ETV5: variants seen among roughly 807,000 people sequenced by gnomAD.
The protein encoded by ETV5 is ETS translocation variant 5.
ETV5 carries 10 observed loss-of-function variants against 70.0 expected under a neutral mutation model. The observed-to-expected ratio is 0.14, with a 90% CI of 0.09 to 0.24. ETV5 has a LOEUF of 0.24. ETV5 is among the 10% of genes least tolerant of loss of function. The pLI, the probability that ETV5 is intolerant of heterozygous loss-of-function variation, is 1.00. For synonymous variants in ETV5, 216 were observed against 242.2 expected (o/e 0.89, Z 1.01); for missense variants, 453 against 651.2 (o/e 0.70, Z 3.31).
rs1019176285 is a variant in ETV5, at chr3:186,065,793, T to C, written c.910+20A>G. ...AAGAATGCAAGAATGAAGCAAAGAATAGCACAATTTGATGCTGACCTGAAT... is the reference window on the plus strand; with the variant it reads ...AAGAATGCAAGAATGAAGCAAAGAACAGCACAATTTGATGCTGACCTGAAT... On this transcript the variant is annotated intron_variant, in intron 8 of 12. Transcript: ENST00000306376. 3.7e-6 allele frequency: 6 copies of C among 1,613,772 alleles called. No homozygotes were observed. In the East Asian group the frequency reaches 6.7e-5, roughly 18 times the overall value.
At chr3:186,066,788 T>C (rs1713457632) in intron 7 of ETV5, among the ~76,000 whole-genome samples, 1 of 152,232 alleles carries the variant, frequency 6.6e-6, no homozygotes, top group Non-Finnish European at 1.5e-5. Flanking sequence ...TACTGACATA[T>C]GTCATAAAAC....
intron 1 of ETV5, 171 bp downstream of exon 1, chr3:186,108,769 G>C: frequency 1.5e-6 from 1 of 657,008 alleles, no homozygotes; most frequent in Non-Finnish European, 2.1e-6. Context: ...AACCAAACCG[G>C]ACCGGGCCGC....
chr3:186,063,203 G>C (rs1174341541), intron 9 of ETV5, among the ~76,000 whole-genome samples: 2 of 152,182 alleles, frequency 1.3e-5, no homozygotes, highest in Non-Finnish European at 2.9e-5. Flanking sequence ...CTGGGAGGCA[G>C]AGCTTGCAGT....
intron 5 of ETV5, among the ~76,000 whole-genome samples, chr3:186,103,991 A>C (rs1321365070): frequency 6.6e-6 from 1 of 152,264 alleles, no homozygotes; most frequent in African/African-American, 2.4e-5. Context: ...TTTTACACAC[A>C]TACACCCACC....
intron 7 of ETV5, among the ~76,000 whole-genome samples, chr3:186,069,293 G>A (rs1713535045): frequency 6.6e-6 from 1 of 152,184 alleles, no homozygotes; most frequent in Non-Finnish European, 1.5e-5. Flanking sequence ...TCTTAAACAA[G>A]TTTTACCAAC....
In ETV5 at chr3:186,052,441, A is replaced by C. The variant is rs982481026; in HGVS notation, c.1210-310T>G. On this transcript the variant is annotated intron_variant, in intron 11 of 12. Coordinates refer to ENST00000306376, the MANE Select transcript of ETV5 (RefSeq NM_004454.3). The surrounding 1 kb of genome is among the most constrained non-coding windows in gnomAD (Gnocchi z 4.5). ...TTCTCCACGTATGAATTATTGACCA[A>C]TACCCATAGACCATTAACGTGTTGC... 1.3e-5 allele frequency among the ~76,000 whole-genome samples: 2 copies of C among 152,234 alleles called. No homozygotes were observed. The highest frequency in any genetic ancestry group is 2.9e-5 in the Non-Finnish European group (2 of 68,040).
At chr3:186,072,250 C>T (rs571956962) in intron 7 of ETV5, among the ~76,000 whole-genome samples, 4 of 151,958 alleles carry the variant, frequency 2.6e-5, no homozygotes, top group Admixed American at 6.5e-5. Flanking sequence ...GGTGCAGTGT[C>T]GAATGCCTGT....
rs183875593 is a variant in ETV5, at chr3:186,054,570, G to A, written c.1210-2439C>T. The stretch of plus-strand genomic sequence containing the variant: ...ATGACTATCAAAAGACATTTGATTA[G>A]GGGGCCTGCCAAAACGCAGTTCTAA... On this transcript the variant is annotated intron_variant, in intron 11 of 12. Coordinates refer to ENST00000306376, the MANE Select transcript of ETV5 (RefSeq NM_004454.3). This position sits in a 1 kb window ranked among gnomAD's most constrained non-coding sequence, Gnocchi z 4.4. 1.4e-3 allele frequency among the ~76,000 whole-genome samples: 216 copies of A among 152,254 alleles called. No homozygotes were observed. Among genetic ancestry groups the A allele is most frequent in the Middle Eastern group, 0.01 (3 of 294 alleles).
At chr3:186,101,664 G>A (rs1560057023) in intron 5 of ETV5, among the ~76,000 whole-genome samples, 1 of 152,142 alleles carries the variant, frequency 6.6e-6, no homozygotes, top group Non-Finnish European at 1.5e-5. Context: ...ACTTGAATAT[G>A]CCACTACTCC....
At chr3:186,100,321 T>C in intron 5 of ETV5, among the ~76,000 whole-genome samples, 1 of 152,224 alleles carries the variant, frequency 6.6e-6, no homozygotes, top group East Asian at 1.9e-4. Context: ...GCCCACTGTT[T>C]TCTTTCTTAC....
At position 186,080,098 on chromosome 3, in the gene ETV5, A is replaced by G; in HGVS notation, c.369T>C (p.Tyr123=). The G allele has an allele frequency of 6.7e-7, 1 of 1,483,034 alleles. No individual in the cohort carries two copies. The highest frequency in any genetic ancestry group is 2.5e-5 in the East Asian group (1 of 39,510). 91.9% of individuals were successfully genotyped at this position (1,483,034 alleles called of 1,614,324 possible). ...TGAACCCAGAGGGAGGCTTCCTATCATAGGCACTGTAAACAGAAAAAGAGA... is the reference window on the plus strand; with the variant it reads ...TGAACCCAGAGGGAGGCTTCCTATCGTAGGCACTGTAAACAGAAAAAGAGA... ...GEKCLYNYCA[Y]DRKPPSGFKP... The change falls in exon 7 of 13, where the codon TAT becomes TAC. Residue 123 remains tyrosine, a synonymous_variant. Transcript: ENST00000306376.
rs1219690829 is a variant in ETV5 at position 186,057,807 on chromosome 3, G to C, written c.971-316C>G. ...CATGGATCAATGTTGCTCTGACTAA[G>C]CCTTTACAGCTGGAAACACATCTCT... On this transcript the variant is annotated intron_variant, in intron 9 of 12. Transcript: ENST00000306376. This position sits in a 1 kb window ranked among gnomAD's most constrained non-coding sequence, Gnocchi z 4.9. 4.6e-5 allele frequency among the ~76,000 whole-genome samples: 7 copies of C among 152,186 alleles called. No individual in the cohort carries two copies. The highest frequency in any genetic ancestry group is 1.0e-4 in the Non-Finnish European group (7 of 68,034).
At chr3:186,088,410 A>G (rs1484879446) in intron 5 of ETV5, among the ~76,000 whole-genome samples, 1 of 152,210 alleles carries the variant, frequency 6.6e-6, no homozygotes, top group Non-Finnish European at 1.5e-5. Flanking sequence ...AGGGTTCCAG[A>G]GCCATCATCC....
Position 186,079,086 on chromosome 3 carries a change from C to G in ETV5, c.650+731G>C, listed in dbSNP as rs1394295169. ...TATTGTTGACAACTACCCCCCTATC[C>G]CAGAGAAACTTGAAATAAAGACAGG... On this transcript the variant is annotated intron_variant, in intron 7 of 12. Transcript: ENST00000306376. 6.6e-6 allele frequency: 7 copies of G among 1,064,508 alleles called. No homozygotes were observed. In the African/African-American group the frequency reaches 9.9e-5, roughly 15 times the overall value. The allele number at this position is 1,064,508 out of a possible 1,614,324, so 65.9% of individuals were successfully genotyped here.
chr3:186,055,388 C>T (rs1023504178), intron 11 of ETV5, among the ~76,000 whole-genome samples: 15 of 151,998 alleles, frequency 9.9e-5, no homozygotes, highest in African/African-American at 2.4e-4. Context: ...CATGGGTCGG[C>T]GTGGGGTGGA....
intron 7 of ETV5, among the ~76,000 whole-genome samples, chr3:186,068,090 C>G (rs1221305067): frequency 6.6e-6 from 1 of 152,178 alleles, no homozygotes; most frequent in Non-Finnish European, 1.5e-5. Flanking sequence ...GATGAGCAGG[C>G]AGTTACTAAT....
chr3:186,080,581 A>G (rs1713909225), intron 6 of ETV5: 1 of 232,120 alleles, frequency 4.3e-6, no homozygotes, highest in Non-Finnish European at 8.5e-6. Flanking sequence ...TTTATCTTCT[A>G]GAGCAAAGAA....
chr3:186,083,063 T>C (rs939395555), intron 5 of ETV5, among the ~76,000 whole-genome samples: 1 of 152,268 alleles, frequency 6.6e-6, no homozygotes, highest in Non-Finnish European at 1.5e-5. Flanking sequence ...TCAATTGTTA[T>C]CAACTGTTTC....
At chr3:186,092,039 G>C (rs1714194199) in intron 5 of ETV5, among the ~76,000 whole-genome samples, 1 of 152,188 alleles carries the variant, frequency 6.6e-6, no homozygotes, top group Admixed American at 6.5e-5. Flanking sequence ...GAAGATTTTT[G>C]AAATGCAAGC....
Sources: gnomAD v4.1 joint callset for allele counts (sites outside exome capture counted in the v4.1 genomes callset) on GRCh38, gnomAD v4.1.1 for gene constraint, Gnocchi (gnomAD v3.1) non-coding constraint, MANE v1.5 for transcripts, NCBI Gene and HGNC (gene_info 2026-07-23, HGNC 2026-07-21) for gene names.